Variants in FNIP2 observed in about 807,000 individuals in gnomAD.
FNIP2 encodes the protein folliculin-interacting protein 2.
In FNIP2, 32 loss-of-function variants were observed where a neutral mutation model predicts 108.7. That is an observed-to-expected ratio of 0.29 (90% CI 0.22 to 0.40). The LOEUF (loss-of-function observed/expected upper bound fraction) is 0.40. Ranked by LOEUF, FNIP2 falls within the 10% of genes least tolerant of loss-of-function variation. The probability of loss-of-function intolerance (pLI) is 1.00; values close to 1 mark genes in which losing one functional copy is unlikely to be tolerated. For missense variants in FNIP2, 1,202 were observed against 1,381.6 expected (o/e 0.87, Z 2.06); for synonymous variants, 480 against 496.7 (o/e 0.97, Z 0.45).
chr4:158,819,823 C>T (rs1248072657), intron 1 of FNIP2, among the ~76,000 whole-genome samples: 1 of 152,146 alleles, frequency 6.6e-6, no homozygotes, highest in East Asian at 1.9e-4. Flanking sequence ...TTTGGGTCTC[C>T]CCACTCTTCT....
At chr4:158,806,058 C>A (rs1362936401) in intron 1 of FNIP2, 4 of 901,468 alleles carry the variant, frequency 4.4e-6, no homozygotes, top group South Asian at 4.3e-5. Flanking sequence ...TTTTTTAAAC[C>A]TTTGAAAGGG....
intron 1 of FNIP2, among the ~76,000 whole-genome samples, chr4:158,781,032 CTCAA>C (rs1288689521): frequency 9.0e-5 from 5 of 55,858 alleles, no homozygotes; most frequent in Non-Finnish European, 1.7e-4. Context: ...GAGAGTCCTT[CTCAA>C]AAAAAAAAAA....
chr4:158,798,040 GT>G (rs1776644631), intron 1 of FNIP2, among the ~76,000 whole-genome samples: 1 of 152,024 alleles, frequency 6.6e-6, no homozygotes, highest in Non-Finnish European at 1.5e-5. Flanking sequence ...AGGCTTCTAG[GT>G]TTTTTTGTTT....
chr4:158,785,063 T>C (rs1222022049), intron 1 of FNIP2, among the ~76,000 whole-genome samples: 3 of 151,604 alleles, frequency 2.0e-5, no homozygotes, highest in African/African-American at 7.3e-5. Context: ...TATGTGAATT[T>C]ATTAGCCAGT....
At chr4:158,833,929 A>T in intron 6 of FNIP2, 1 of 1,259,518 alleles carries the variant, frequency 7.9e-7, no homozygotes, top group Non-Finnish European at 1.0e-6. Context: ...ACCCACACAT[A>T]TTAATAAATC....
Position 158,861,611 on chromosome 4 carries a change from T to C in FNIP2, c.1300T>C (p.Phe434Leu). The C allele has an allele frequency of 6.2e-7, 1 of 1,614,010 alleles. No individual in the cohort carries two copies. The highest frequency in any genetic ancestry group is 8.5e-7 in the Non-Finnish European group (1 of 1,179,880). Residue 434 changes from phenylalanine (F) to leucine (L), a missense_variant, in exon 12 of 17, where the codon TTT (phenylalanine) becomes CTT (leucine). Phe to Leu is a conservative substitution (Grantham distance 22, BLOSUM62 0). This residue lies in a region of FNIP2 where 878 missense variants were observed against 990.3 expected (regional missense o/e 0.89). Coordinates refer to ENST00000264433, the MANE Select transcript of FNIP2 (RefSeq NM_020840.3). ...ATCTTTTTCCATTTCTCCAAGGTTT[T>C]TTGCTGCCTTACTGACTGCGGTGTT... ...LIEQINKNQF[F>L]AALLTAVLTY...
chr4:158,869,417 G>T lies in FNIP2; in HGVS notation c.2781G>T (p.Leu927=), dbSNP rs1018375941. Residue 927 remains leucine, a synonymous_variant, in exon 13 of 17, where the codon CTG becomes CTT. Coordinates refer to ENST00000264433, the MANE Select transcript of FNIP2 (RefSeq NM_020840.3). ...DRTGGSLEVE[L]PLPRSQSIST... ...CTGGAGGGTCCTTGGAAGTGGAGCT[G>T]CCTCTGCCAAGGTAACTCCAGCAGG... is the stretch of plus-strand genomic sequence containing the variant. 1.0e-5 allele frequency: 16 copies of T among 1,599,084 alleles called. No individual in the cohort carries two copies. The highest frequency in any genetic ancestry group is 1.7e-5 in the Admixed American group (1 of 58,288).
At chr4:158,809,410 G>T (rs1482242416) in intron 1 of FNIP2, among the ~76,000 whole-genome samples, 1 of 152,210 alleles carries the variant, frequency 6.6e-6, no homozygotes, top group African/African-American at 2.4e-5. Context: ...AGTGAGCCGA[G>T]ATCGTGCCAC....
In FNIP2 at chr4:158,869,041, G is replaced by A; in HGVS notation, c.2405G>A (p.Arg802Lys). ...GGTTTTGCAGAGGACAGAGGCAGCA[G>A]AAACGACATGGCAGCAGATATTGCT... The part of the protein sequence containing the change: ...DKGFAEDRGS[R>K]NDMAADIAGQ... Residue 802 changes from arginine to lysine, a missense_variant, in exon 13 of 17, where the codon AGA (arginine) becomes AAA (lysine). Around this residue, in one of 5 missense-constraint regions of FNIP2, gnomAD observed 878 missense variants for 990.3 expected, o/e 0.89. Transcript: ENST00000264433. 1.9e-6 allele frequency: 3 copies of A among 1,614,060 alleles called. No individual in the cohort carries two copies. The highest frequency in any genetic ancestry group is 2.2e-5 in the South Asian group (2 of 91,080).
At chr4:158,791,747 G>A (rs1560756733) in intron 1 of FNIP2, among the ~76,000 whole-genome samples, 2 of 152,174 alleles carry the variant, frequency 1.3e-5, no homozygotes, top group South Asian at 4.1e-4. Flanking sequence ...TGTCAGTAAT[G>A]CCCTCTGTGT....
At chr4:158,841,244 T>C (rs1306446072) in intron 7 of FNIP2, among the ~76,000 whole-genome samples, 3 of 152,130 alleles carry the variant, frequency 2.0e-5, no homozygotes, top group African/African-American at 7.2e-5. Flanking sequence ...TTATGATGGT[T>C]GCGAGATAAG....
At chr4:158,810,930 T>C (rs1777233719) in intron 1 of FNIP2, among the ~76,000 whole-genome samples, 2 of 152,258 alleles carry the variant, frequency 1.3e-5, no homozygotes, top group African/African-American at 4.8e-5. Context: ...TCTCCTGTTA[T>C]GACTCCTGTG....
At chr4:158,794,120 G>A (rs1052992416) in intron 1 of FNIP2, among the ~76,000 whole-genome samples, 2 of 152,156 alleles carry the variant, frequency 1.3e-5, no homozygotes, top group African/African-American at 4.8e-5. Context: ...TTAAGATTTT[G>A]TATATGTTGG....
At chr4:158,837,930 G>A (rs1778900905) in intron 7 of FNIP2, among the ~76,000 whole-genome samples, 2 of 152,190 alleles carry the variant, frequency 1.3e-5, no homozygotes. Context: ...TGGTAGATGT[G>A]TTTACCTTCA....
In FNIP2 at chr4:158,790,885, CTTA is replaced by C. The variant is rs1018568598; in HGVS notation, c.107+21569_107+21571del. Among the ~76,000 whole-genome samples, 396 of 150,804 alleles carry C rather than the reference CTTA, an allele frequency of 2.6e-3. 1 individual carries two copies. The highest frequency in any genetic ancestry group is 8.7e-3 in the African/African-American group (359 of 41,050). On this transcript the variant is annotated intron_variant, in intron 1 of 16. Transcript: ENST00000264433. ...TAGCACTTTCTTGGATTTGTATCTT[CTTA>C]TTTGGAGAGTTAGATGCTAAATACA...
intron 7 of FNIP2, among the ~76,000 whole-genome samples, chr4:158,836,924 A>G (rs570524068): frequency 4.9e-4 from 75 of 152,180 alleles, no homozygotes; most frequent in Non-Finnish European, 7.9e-4. Context: ...ATGAAGCACT[A>G]AGTAAACTGT....
intron 14 of FNIP2, among the ~76,000 whole-genome samples, chr4:158,880,838 C>T (rs1325329583): frequency 6.6e-6 from 1 of 152,082 alleles, no homozygotes; most frequent in East Asian, 1.9e-4. Flanking sequence ...AGTTCCAAGG[C>T]TATGGAGGAT....
At position 158,882,704 on chromosome 4, in the gene FNIP2, C is replaced by T. The variant is rs142453305; in HGVS notation, c.2950-8742C>T. Among the ~76,000 whole-genome samples, 8 of 152,256 alleles carry T rather than the reference C, an allele frequency of 5.3e-5. No individual in the cohort carries two copies. The East Asian group carries it at 1.4e-3, about 26-fold the overall frequency. ...GTTGATCTATGACCTTACCCCCAAC[C>T]GGGTGCTCTCTGAAACATGTGCTGT... On this transcript the variant is annotated intron_variant, in intron 14 of 16. Coordinates refer to ENST00000264433, the MANE Select transcript of FNIP2 (RefSeq NM_020840.3).
chr4:158,883,099 A>T (rs993707816), intron 14 of FNIP2, among the ~76,000 whole-genome samples: 2 of 152,096 alleles, frequency 1.3e-5, no homozygotes, highest in Non-Finnish European at 2.9e-5. Context: ...AATAAAATCA[A>T]GCTAACACAC....
Sources: gnomAD v4.1 joint callset for allele counts (sites outside exome capture counted in the v4.1 genomes callset) on GRCh38, gnomAD v4.1.1 for gene constraint, gnomAD v4.1.1 regional missense constraint, MANE v1.5 for transcripts, NCBI Gene and HGNC (gene_info 2026-07-23, HGNC 2026-07-21) for gene names.